Variants in EPHA4 observed in about 807,000 individuals in gnomAD.
EPHA4 encodes EPH receptor A4.
EPHA4 carries 19 observed loss-of-function variants against 108.3 expected under a neutral mutation model. The ratio of observed to expected loss-of-function variants is 0.18; its 90% confidence interval spans 0.12 to 0.26. The LOEUF (loss-of-function observed/expected upper bound fraction) is 0.26, where lower values mean the gene tolerates loss of function less well. Ranked by LOEUF, EPHA4 falls within the 10% of genes least tolerant of loss-of-function variation. The pLI, the probability that EPHA4 is intolerant of heterozygous loss-of-function variation, is 1.00. For synonymous variants in EPHA4, 449 were observed against 455.5 expected (o/e 0.99, Z 0.18); for missense variants, 917 against 1,254.0 (o/e 0.73, Z 4.06).
At chr2:221,510,907 T>C (rs1025296165) in intron 3 of EPHA4, among the ~76,000 whole-genome samples, 10 of 152,134 alleles carry the variant, frequency 6.6e-5, no homozygotes, top group Non-Finnish European at 1.0e-4. Context: ...CTCTGAAGAG[T>C]AACTTCCACT....
intron 11 of EPHA4, among the ~76,000 whole-genome samples, chr2:221,439,579 C>G (rs1040054889): frequency 6.6e-6 from 1 of 151,756 alleles, no homozygotes; most frequent in Non-Finnish European, 1.5e-5. Context: ...CCTTGAACTC[C>G]TGGGCTCAAG....
chr2:221,573,643 G>C, upstream of EPHA4: 1 of 152,216 alleles, frequency 6.6e-6, no homozygotes, highest in South Asian at 2.1e-4. This position sits in a 1 kb window ranked among gnomAD's most constrained non-coding sequence, Gnocchi z 4.5. Context: ...CCGCTGGGAG[G>C]TGGAGGAGCC....
At chr2:221,488,119 G>A (rs908581516) in intron 4 of EPHA4, among the ~76,000 whole-genome samples, 1 of 152,140 alleles carries the variant, frequency 6.6e-6, no homozygotes, top group African/African-American at 2.4e-5. Flanking sequence ...AGAAGCCATA[G>A]ACAATACCTT....
intron 14 of EPHA4, among the ~76,000 whole-genome samples, chr2:221,431,585 C>G (rs763519674): frequency 3.3e-5 from 5 of 152,156 alleles, no homozygotes; most frequent in Non-Finnish European, 7.3e-5. Context: ...CTATTTGTTT[C>G]TAGCAATTAC....
At chr2:221,443,132 G>T (rs964064178) in intron 10 of EPHA4, 118 bp from the exon 11 acceptor site, 4 of 1,051,478 alleles carry the variant, frequency 3.8e-6, no homozygotes, top group African/African-American at 1.6e-5. Context: ...GCTTTGCATA[G>T]ATTATTTCAC....
chr2:221,501,041 C>T lies in EPHA4; in HGVS notation c.955G>A (p.Asp319Asn), dbSNP rs747169432. The T allele has an allele frequency of 6.2e-7, 1 of 1,611,834 alleles. No homozygotes were observed. Among genetic ancestry groups the T allele is most frequent in the Admixed American group, 1.7e-5 (1 of 59,724 alleles). Residue 319 changes from aspartate to asparagine, a missense_variant, in exon 4 of 18, where the codon GAT becomes AAT. By Grantham distance (23) the Asp-to-Asn change is conservative (BLOSUM62 1). This residue lies in a region of EPHA4 where 758 missense variants were observed against 1,076.7 expected (regional missense o/e 0.70). Coordinates refer to ENST00000281821, the MANE Select transcript of EPHA4 (RefSeq NM_004438.5). ...CGGGTGCAGGGCATAGAGGCAGCAT[C>T]GTTGTCAGCTCTGAAAAAGCCTCGG... ...CDRGFFRADN[D>N]AASMPCTRPP...
intron 3 of EPHA4, among the ~76,000 whole-genome samples, chr2:221,506,183 C>A (rs2106161588): frequency 6.6e-6 from 1 of 152,266 alleles, no homozygotes; most frequent in East Asian, 1.9e-4. Flanking sequence ...CTTTTGTGCA[C>A]TGGATACATA....
At chr2:221,484,503 T>C (rs1691922533) in intron 4 of EPHA4, among the ~76,000 whole-genome samples, 1 of 152,210 alleles carries the variant, frequency 6.6e-6, no homozygotes, top group Non-Finnish European at 1.5e-5. Flanking sequence ...ATTGTAAAAT[T>C]TGTATTAAAG....
chr2:221,501,327 C>T (rs1692483867), intron 3 of EPHA4, 155 bp from the exon 4 acceptor site: 2 of 591,404 alleles, frequency 3.4e-6, no homozygotes, highest in East Asian at 6.3e-5. Context: ...CAACCAAAAG[C>T]ATTCATTGAG....
chr2:221,557,753 C>A (rs1481886911), intron 3 of EPHA4, among the ~76,000 whole-genome samples: 2 of 152,142 alleles, frequency 1.3e-5, no homozygotes, highest in African/African-American at 4.8e-5. Flanking sequence ...TAGTCACATG[C>A]AAAGATTTTA....
Position 221,434,218 on chromosome 2 carries a change from A to C in EPHA4, c.2420T>G (p.Val807Gly). 2 of 1,614,122 alleles carry C rather than the reference A, an allele frequency of 1.2e-6. No homozygotes were observed. Among genetic ancestry groups the C allele is most frequent in the Non-Finnish European group, 8.5e-7 (1 of 1,179,986 alleles). Reference sequence around the variant, plus strand: ...CCACATAACGATTCCATAGCTCCATACATCACTTGCTGATGTGAATTTACG... The same window carrying C: ...CCACATAACGATTCCATAGCTCCATCCATCACTTGCTGATGTGAATTTACG... ...AYRKFTSASD[V>G]WSYGIVMWEV... The change falls in exon 14 of 18, where the codon GTA (valine) becomes GGA (glycine). Residue 807 changes from valine to glycine, a missense_variant. Transcript: ENST00000281821.
chr2:221,525,401 C>T (rs923999959), intron 3 of EPHA4, among the ~76,000 whole-genome samples: 2 of 152,076 alleles, frequency 1.3e-5, no homozygotes, highest in Non-Finnish European at 2.9e-5. Flanking sequence ...AATTTCCTTT[C>T]GGTTAAAAAA....
intron 14 of EPHA4, among the ~76,000 whole-genome samples, chr2:221,433,559 T>C (rs891877735): frequency 6.6e-6 from 1 of 152,188 alleles, no homozygotes; most frequent in Non-Finnish European, 1.5e-5. Context: ...TACTCTGGAA[T>C]CTTATTAGTG....
chr2:221,523,567 A>T (rs1693236460), intron 3 of EPHA4, among the ~76,000 whole-genome samples: 1 of 151,328 alleles, frequency 6.6e-6, no homozygotes, highest in South Asian at 2.1e-4. Flanking sequence ...GATTACAAGC[A>T]TGAGCCACCG....
intron 9 of EPHA4, among the ~76,000 whole-genome samples, chr2:221,445,322 G>A (rs1024778486): frequency 2.7e-4 from 41 of 152,106 alleles, no homozygotes; most frequent in Admixed American, 4.6e-4. Flanking sequence ...GGGTGCGGTG[G>A]CTCACACCTG....
intron 3 of EPHA4, among the ~76,000 whole-genome samples, chr2:221,534,113 C>A (rs1440108365): frequency 6.6e-6 from 1 of 152,204 alleles, no homozygotes; most frequent in Admixed American, 6.5e-5. Context: ...ATGCCAACTA[C>A]TTCTCTTGAA....
intron 4 of EPHA4, among the ~76,000 whole-genome samples, chr2:221,483,387 T>C (rs951108647): frequency 7.2e-5 from 11 of 152,256 alleles, no homozygotes; most frequent in East Asian, 5.8e-4. Context: ...GCAGTGGTTG[T>C]TATGAAACAG....
intron 3 of EPHA4, among the ~76,000 whole-genome samples, chr2:221,547,751 C>G (rs1364438109): frequency 2.6e-5 from 4 of 152,146 alleles, no homozygotes; most frequent in Admixed American, 2.6e-4. Flanking sequence ...AGTGTGTAAG[C>G]TGGAGCCAGT....
chr2:221,505,566 C>T lies in EPHA4; in HGVS notation c.824-4394G>A, dbSNP rs537882859. Among the ~76,000 whole-genome samples, 7 of 152,154 alleles carry T rather than the reference C, an allele frequency of 4.6e-5. No individual in the cohort carries two copies. The South Asian group carries it at 6.2e-4, about 14-fold the overall frequency. Reference sequence around the variant, plus strand: ...GTTTTGAACTCCTGACCTCGTGATCCGCCCGCCTCGGCCTCCCAAAGTGCC... The same window carrying T: ...GTTTTGAACTCCTGACCTCGTGATCTGCCCGCCTCGGCCTCCCAAAGTGCC... On this transcript the variant is annotated intron_variant, in intron 3 of 17. Coordinates refer to ENST00000281821, the MANE Select transcript of EPHA4 (RefSeq NM_004438.5).
Sources: gnomAD v4.1 joint callset for allele counts (sites outside exome capture counted in the v4.1 genomes callset) on GRCh38, gnomAD v4.1.1 for gene constraint, gnomAD v4.1.1 regional missense constraint, Gnocchi (gnomAD v3.1) non-coding constraint, MANE v1.5 for transcripts, NCBI Gene and HGNC (gene_info 2026-07-23, HGNC 2026-07-21) for gene names.